EIF4EBP1: variants seen among roughly 807,000 people sequenced by gnomAD.
EIF4EBP1 encodes eukaryotic translation initiation factor 4E binding protein 1, also known as eukaryotic translation initiation factor 4E-binding protein 1.
Under a neutral mutation model 9.2 loss-of-function variants are expected in EIF4EBP1, and 5 were observed. That is an observed-to-expected ratio of 0.54 (90% confidence interval 0.28 to 1.14). The LOEUF (loss-of-function observed/expected upper bound fraction) is 1.14, where lower values mean the gene tolerates loss of function less well. Ranked by LOEUF, EIF4EBP1 falls within the 50% of genes most tolerant of loss-of-function variation. EIF4EBP1 has a pLI of 0.09. For missense variants in EIF4EBP1, 139 were observed against 169.6 expected, an observed-to-expected ratio of 0.82 and a Z score of 1.00; for synonymous variants, 62 against 67.0, an observed-to-expected ratio of 0.93 and a Z score of 0.36.
chr8:38,055,572 A>G (rs1275566698), intron 1 of EIF4EBP1, among the ~76,000 whole-genome samples: 1 of 151,550 alleles, frequency 6.6e-6, no homozygotes, highest in Non-Finnish European at 1.5e-5. Context: ...TTAGCTTTTG[A>G]ATTTAATTTA....
At chr8:38,055,717 C>T (rs1013567816) in intron 1 of EIF4EBP1, among the ~76,000 whole-genome samples, 4 of 152,046 alleles carry the variant, frequency 2.6e-5, no homozygotes, top group African/African-American at 9.7e-5. Flanking sequence ...TACAAAGGGG[C>T]CGGGCACGGT....
rs569069480 is a variant in EIF4EBP1 at position 38,057,000 on chromosome 8, G to A, written c.146-81G>A. 8 of 1,466,904 alleles carry A rather than the reference G, an allele frequency of 5.5e-6. No homozygotes were observed. In the East Asian group the frequency reaches 1.6e-4, roughly 29 times the overall value. 90.9% of individuals were successfully genotyped at this position (1,466,904 alleles called of 1,614,324 possible). A position where few individuals can be genotyped will look rare whatever the true frequency, so the allele number is the denominator to read the frequency against. On this transcript the variant is annotated intron_variant, in intron 1 of 2. Transcript: ENST00000338825. Reference sequence around the variant, plus strand: ...TTCAGGAGAATCTGCTGCCTCTACTGCAGCCACGCCTTTAAAAAGTGGAAA... The same window carrying A: ...TTCAGGAGAATCTGCTGCCTCTACTACAGCCACGCCTTTAAAAAGTGGAAA...
chr8:38,033,443 C>T lies in EIF4EBP1; in HGVS notation c.145+2725C>T, dbSNP rs77058669. Among the ~76,000 whole-genome samples the T allele has an allele frequency of 7.5e-3, 1,133 of 150,728 alleles. 16 individuals carry two copies. The highest frequency in any genetic ancestry group is 0.025 in the African/African-American group (1,028 of 40,996). On this transcript the variant is annotated intron_variant, in intron 1 of 2. Transcript: ENST00000338825. ...TCTGAGTACTCAGGAATTAGTGAAACATAACTTCCCTCACCTTTCAGATCT... is the reference window on the plus strand; with the variant it reads ...TCTGAGTACTCAGGAATTAGTGAAATATAACTTCCCTCACCTTTCAGATCT...
intron 1 of EIF4EBP1, among the ~76,000 whole-genome samples, chr8:38,041,063 G>A (rs973393889): frequency 1.5e-4 from 23 of 152,116 alleles, no homozygotes; most frequent in Non-Finnish European, 3.4e-4. Context: ...GCCTCCCAAA[G>A]TGCTGGGATT....
intron 1 of EIF4EBP1, among the ~76,000 whole-genome samples, chr8:38,042,652 T>C (rs928000282): frequency 1.3e-5 from 2 of 152,160 alleles, no homozygotes; most frequent in African/African-American, 4.8e-5. Flanking sequence ...AGGACCCCAG[T>C]CAGACTGGAT....
intron 2 of EIF4EBP1, among the ~76,000 whole-genome samples, chr8:38,057,708 G>A (rs920405414): frequency 1.3e-5 from 2 of 152,138 alleles, no homozygotes; most frequent in East Asian, 1.9e-4. Context: ...AAATACATCC[G>A]GGATGCCTCC....
At chr8:38,031,339 C>T (rs904000074) in intron 1 of EIF4EBP1, among the ~76,000 whole-genome samples, 4 of 152,112 alleles carry the variant, frequency 2.6e-5, no homozygotes, top group African/African-American at 9.7e-5. Flanking sequence ...AAAACACGTT[C>T]TTCTGTCCGG....
intron 1 of EIF4EBP1, among the ~76,000 whole-genome samples, chr8:38,039,197 TAG>T (rs2130383217): frequency 6.7e-6 from 1 of 150,304 alleles, no homozygotes; most frequent in East Asian, 2.0e-4. Context: ...CAGCCAGTGT[TAG>T]TGTATTTTAT....
chr8:38,060,357 G>T lies in EIF4EBP1; in HGVS notation c.*422G>T. On this transcript the variant is annotated 3_prime_UTR_variant, in exon 3 of 3. Transcript: ENST00000338825. ...GGAAATAAAAGCCACCTTCGCCCTA[G>T]GGCCAAGAGTTGGGCCCCGTCTGAG... 1 of 253,402 alleles carries T rather than the reference G, an allele frequency of 3.9e-6. No individual in the cohort carries two copies. Among genetic ancestry groups the T allele is most frequent in the Non-Finnish European group, 7.7e-6 (1 of 130,142 alleles). The allele number at this position is 253,402 out of a possible 1,614,324, so 15.7% of individuals were successfully genotyped here.
At chr8:38,057,388 A>G in intron 2 of EIF4EBP1, 128 bp downstream of exon 2, 1 of 1,152,156 alleles carries the variant, frequency 8.7e-7, no homozygotes, top group Non-Finnish European at 1.2e-6. Context: ...TCTAAGGAGC[A>G]GCTCAGAGCC....
chr8:38,041,661 C>A (rs1468157105), intron 1 of EIF4EBP1, among the ~76,000 whole-genome samples: 2 of 152,188 alleles, frequency 1.3e-5, no homozygotes, highest in Admixed American at 1.3e-4. Flanking sequence ...AGATCCCATA[C>A]CCTGTTCTCA....
intron 1 of EIF4EBP1, among the ~76,000 whole-genome samples, chr8:38,039,683 C>T (rs1461357158): frequency 1.3e-5 from 2 of 152,046 alleles, no homozygotes; most frequent in Admixed American, 6.6e-5. Context: ...GAATTACAGG[C>T]GTGAGCCACT....
intron 1 of EIF4EBP1, among the ~76,000 whole-genome samples, chr8:38,052,465 A>G (rs1292062862): frequency 1.3e-5 from 2 of 149,190 alleles, no homozygotes; most frequent in Non-Finnish European, 2.9e-5. Context: ...GCAGTGGCTC[A>G]TGCCTGTAAT....
At chr8:38,051,627 C>G (rs752375989) in intron 1 of EIF4EBP1, among the ~76,000 whole-genome samples, 2 of 151,952 alleles carry the variant, frequency 1.3e-5, no homozygotes, top group African/African-American at 4.8e-5. Flanking sequence ...GTGACAGAGT[C>G]GTGCTCTGTC....
At chr8:38,051,794 G>A (rs1809528816) in intron 1 of EIF4EBP1, among the ~76,000 whole-genome samples, 2 of 151,890 alleles carry the variant, frequency 1.3e-5, no homozygotes, top group South Asian at 4.2e-4. Context: ...GCGGGATTTC[G>A]CCATGTTGGC....
chr8:38,059,764 A>C, intron 2 of EIF4EBP1, 140 bp from the exon 3 acceptor site: 1 of 866,044 alleles, frequency 1.2e-6, no homozygotes, highest in South Asian at 1.6e-5. Context: ...TCAAAAAAAA[A>C]AAACAAAAAA....
At chr8:38,042,845 C>T (rs753336730) in intron 1 of EIF4EBP1, among the ~76,000 whole-genome samples, 3 of 152,140 alleles carry the variant, frequency 2.0e-5, no homozygotes, top group Non-Finnish European at 4.4e-5. Context: ...GGGCAGATCG[C>T]TTGAGGTCAG....
intron 1 of EIF4EBP1, among the ~76,000 whole-genome samples, chr8:38,032,661 G>A (rs1287560148): frequency 6.6e-6 from 1 of 152,118 alleles, no homozygotes; most frequent in Non-Finnish European, 1.5e-5. Flanking sequence ...CTGCATCAGG[G>A]CATAGCATAT....
chr8:38,037,971 G>A (rs1007775481), intron 1 of EIF4EBP1, among the ~76,000 whole-genome samples: 1 of 151,082 alleles, frequency 6.6e-6, no homozygotes, highest in Non-Finnish European at 1.5e-5. Flanking sequence ...ACAGAGTTTT[G>A]TCATGTTGCC....
Sources: gnomAD v4.1 joint callset for allele counts (sites outside exome capture counted in the v4.1 genomes callset) on GRCh38, gnomAD v4.1.1 for gene constraint, MANE v1.5 for transcripts, NCBI Gene and HGNC (gene_info 2026-07-23, HGNC 2026-07-21) for gene names.